The following PRELID2 variants were observed in gnomAD, a reference collection of about 807,000 sequenced individuals.
PRELID2 encodes PRELI domain-containing protein 2.
PRELID2 carries 25 observed loss-of-function variants against 28.4 expected under a neutral mutation model. The ratio of observed to expected loss-of-function variants is 0.88; its 90% CI spans 0.64 to 1.23. The LOEUF (loss-of-function observed/expected upper bound fraction) is 1.23. PRELID2 is among the 50% of genes most tolerant of loss of function. The pLI is 0.00. For synonymous variants in PRELID2, 76 were observed against 71.6 expected (o/e 1.06, Z -0.31); for missense variants, 201 against 214.4 (o/e 0.94, Z 0.39).
chr5:145,265,873 G>A, the PRELID2 span, among the ~76,000 whole-genome samples: 2 of 152,112 alleles, frequency 1.3e-5, no homozygotes, highest in Non-Finnish European at 2.9e-5. Context: ...AGATAACATT[G>A]CAAAATCCCT....
At chr5:145,429,431 A>G in the PRELID2 span, among the ~76,000 whole-genome samples, 1 of 152,060 alleles carries the variant, frequency 6.6e-6, no homozygotes, top group African/African-American at 2.4e-5. Context: ...TCTGGGGGAG[A>G]GGAATATGAG....
intron 1 of PRELID2, among the ~76,000 whole-genome samples, chr5:145,513,281 G>GA (rs1474739929): frequency 1.3e-5 from 2 of 151,640 alleles, no homozygotes; most frequent in Admixed American, 6.6e-5. Flanking sequence ...AACCAGTTTA[G>GA]AAAAAAACAC....
chr5:145,485,651 A>C (rs1752210666), intron 1 of PRELID2, among the ~76,000 whole-genome samples: 1 of 152,158 alleles, frequency 6.6e-6, no homozygotes, highest in Non-Finnish European at 1.5e-5. Context: ...TAACCGCTGC[A>C]ACCCACCCAT....
chr5:145,377,927 A>G, the PRELID2 span, among the ~76,000 whole-genome samples: 3 of 152,278 alleles, frequency 2.0e-5, no homozygotes, highest in East Asian at 5.8e-4. Context: ...AGAATTGTTT[A>G]TGTGGTTGCT....
rs539552526 is a variant in PRELID2 at position 145,586,746 on chromosome 5, GAGA to G, written n.71-113434_71-113432del. ...GCTAGATTTTAGAAAAGGAAAGTTTGAGATTATTAAATCCAACCTCCTAATAGT... is the reference window on the plus strand; with the variant it reads ...GCTAGATTTTAGAAAAGGAAAGTTTGTTATTAAATCCAACCTCCTAATAGT... On this transcript the variant is annotated intron_variant and non_coding_transcript_variant, in intron 1 of 2. Coordinates refer to the PRELID2 transcript ENST00000510259. 3.8e-3 allele frequency among the ~76,000 whole-genome samples: 584 copies of G among 152,222 alleles called. 2 individuals carry two copies. Among genetic ancestry groups the G allele is most frequent in the Non-Finnish European group, 6.3e-3 (431 of 68,006 alleles).
intron 1 of PRELID2, among the ~76,000 whole-genome samples, chr5:145,570,420 GA>G (rs5871935): frequency 0.017 from 2,506 of 151,372 alleles, 69 homozygotes; most frequent in African/African-American, 0.058. Context: ...TCTCATTTAT[GA>G]AAAAAAAATT....
intron 4 of PRELID2, among the ~76,000 whole-genome samples, chr5:145,807,056 G>A (rs1020369553): frequency 2.6e-5 from 4 of 152,052 alleles, no homozygotes; most frequent in South Asian, 4.2e-4. Flanking sequence ...TACACTACAC[G>A]TTTACACAAC....
intron 5 of PRELID2, among the ~76,000 whole-genome samples, chr5:145,791,734 G>C (rs1003277419): frequency 6.6e-6 from 1 of 152,174 alleles, no homozygotes; most frequent in African/African-American, 2.4e-5. Context: ...TAAATTTTAT[G>C]CTACGTATAT....
At chr5:145,644,674 G>A (rs1008027164) in intron 1 of PRELID2, among the ~76,000 whole-genome samples, 11 of 151,912 alleles carry the variant, frequency 7.2e-5, no homozygotes, top group African/African-American at 2.4e-4. Flanking sequence ...TTCCCTTTAT[G>A]CGTTGCTTTA....
At chr5:145,707,308 G>A (rs1755573973) in intron 1 of PRELID2, among the ~76,000 whole-genome samples, 1 of 152,178 alleles carries the variant, frequency 6.6e-6, no homozygotes, top group South Asian at 2.1e-4. Context: ...TTGATTTTGT[G>A]TCAGGACTGA....
At chr5:145,379,287 G>C in the PRELID2 span, among the ~76,000 whole-genome samples, 5 of 152,160 alleles carry the variant, frequency 3.3e-5, no homozygotes, top group Non-Finnish European at 7.4e-5. Flanking sequence ...AGTGACAGTG[G>C]ATCTAGTCTC....
chr5:145,263,472 A>T, the PRELID2 span, among the ~76,000 whole-genome samples: 1 of 149,426 alleles, frequency 6.7e-6, no homozygotes, highest in South Asian at 2.1e-4. Context: ...AAAATAAATT[A>T]AAACAAAAAA....
chr5:145,260,674 G>T, the PRELID2 span, among the ~76,000 whole-genome samples: 2 of 152,220 alleles, frequency 1.3e-5, no homozygotes, highest in East Asian at 1.9e-4. Context: ...CAGAGAAAAG[G>T]GCAGAAAAAA....
chr5:145,449,081 G>A, the PRELID2 span, among the ~76,000 whole-genome samples: 5 of 152,024 alleles, frequency 3.3e-5, no homozygotes, highest in African/African-American at 9.7e-5. Flanking sequence ...TTATCCCCTC[G>A]TATTGAGTAA....
intron 1 of PRELID2, among the ~76,000 whole-genome samples, chr5:145,621,194 C>T (rs1268435382): frequency 1.3e-5 from 2 of 151,922 alleles, no homozygotes; most frequent in Non-Finnish European, 2.9e-5. Flanking sequence ...TGTTTAACAT[C>T]ATTAAGTCAT....
At chr5:145,256,403 T>G in the PRELID2 span, among the ~76,000 whole-genome samples, 1 of 152,084 alleles carries the variant, frequency 6.6e-6, no homozygotes, top group African/African-American at 2.4e-5. Context: ...TATGTCTGTT[T>G]CTATTGATTA....
intron 1 of PRELID2, among the ~76,000 whole-genome samples, chr5:145,725,869 T>C (rs924732664): frequency 2.0e-5 from 3 of 152,126 alleles, no homozygotes; most frequent in African/African-American, 4.8e-5. Context: ...ACTTGATAAT[T>C]AGAATTAAGA....
intron 1 of PRELID2, among the ~76,000 whole-genome samples, chr5:145,577,527 TAGAC>T (rs1168132045): frequency 6.6e-6 from 1 of 151,956 alleles, no homozygotes; most frequent in East Asian, 1.9e-4. Context: ...TCTGTGAACT[TAGAC>T]AGTTTACTTG....
At chr5:145,717,047 C>G (rs978933672) in intron 1 of PRELID2, among the ~76,000 whole-genome samples, 1 of 151,604 alleles carries the variant, frequency 6.6e-6, no homozygotes, top group African/African-American at 2.4e-5. Flanking sequence ...AAAATAAGTA[C>G]GTGAAACTAT....
Sources: allele counts gnomAD v4.1 joint callset (sites outside exome capture counted in the v4.1 genomes callset), GRCh38; gene constraint gnomAD v4.1.1; transcripts MANE v1.5; gene names NCBI Gene and HGNC (gene_info 2026-07-23, HGNC 2026-07-21).